Variants in RGP1 observed in about 807,000 individuals in gnomAD.
The protein encoded by RGP1 is RGP1 partner of RAB6A GEF complex.
Under a neutral mutation model 44.5 loss-of-function variants are expected in RGP1, and 28 were observed. The ratio of observed to expected loss-of-function variants is 0.63; its 90% CI spans 0.47 to 0.86. RGP1 has a LOEUF of 0.86. Among genes scored for constraint, RGP1 ranks in the 40% least tolerant of loss-of-function variants. The pLI is 0.00. For missense variants in RGP1, 417 were observed against 490.7 expected, an observed-to-expected ratio of 0.85 and a Z score of 1.42; for synonymous variants, 212 against 196.7, an observed-to-expected ratio of 1.08 and a Z score of -0.65.
the RGP1 span, among the ~76,000 whole-genome samples, chr9:35,773,915 C>T: frequency 1.3e-5 from 2 of 152,134 alleles, no homozygotes; most frequent in African/African-American, 4.8e-5. Context: ...AAGCAATCCT[C>T]CTGCCTTGGA....
rs570195434 is a variant in RGP1 at position 35,752,019 on chromosome 9, G to T, written c.826G>T (p.Gly276Trp). Reference sequence around the variant, plus strand: ...TGAGTACCAGCGGCGACGTGGGGCAGGGGGTGTCCCCTCTGTGTCACATGT... The same window carrying T: ...TGAGTACCAGCGGCGACGTGGGGCATGGGGTGTCCCCTCTGTGTCACATGT... ...QPEYQRRRGA[G>W]GVPSVSHVTH... is the part of the protein sequence containing the mutation. The change falls in exon 8 of 9, where the codon GGG (glycine) becomes TGG (tryptophan). Residue 276 changes from glycine (G) to tryptophan (W), a missense_variant. Gly to Trp is a radical substitution (Grantham distance 184, BLOSUM62 -2). Coordinates refer to ENST00000378078, the MANE Select transcript of RGP1 (RefSeq NM_001080496.3). The T allele has an allele frequency of 2.3e-4, 366 of 1,609,004 alleles. 2 individuals are homozygous for T. In the South Asian group the frequency reaches 3.8e-3, roughly 17 times the overall value.
At chr9:35,762,275 T>C (rs563667208), downstream of RGP1, among the ~76,000 whole-genome samples, 2 of 152,336 alleles carry the variant, frequency 1.3e-5, no homozygotes, top group African/African-American at 4.8e-5. Context: ...AGCAATTAGA[T>C]TTACTGGTTT....
At chr9:35,776,167 T>G in the RGP1 span, among the ~76,000 whole-genome samples, 1 of 152,178 alleles carries the variant, frequency 6.6e-6, no homozygotes, top group African/African-American at 2.4e-5. Flanking sequence ...ATCAAATTAC[T>G]CCTCTGTTTT....
the RGP1 span, among the ~76,000 whole-genome samples, chr9:35,789,651 G>C: frequency 1.3e-5 from 2 of 149,618 alleles, no homozygotes; most frequent in South Asian, 2.1e-4. Context: ...TGATGCACTT[G>C]TACTTGCGTA....
chr9:35,788,573 GAA>G, the RGP1 span, among the ~76,000 whole-genome samples: 1 of 117,704 alleles, frequency 8.5e-6, no homozygotes, highest in African/African-American at 3.5e-5. Flanking sequence ...CTCAAAAAAA[GAA>G]AAAAAAAAAA....
At chr9:35,769,440 G>T in the RGP1 span, among the ~76,000 whole-genome samples, 34 of 152,076 alleles carry the variant, frequency 2.2e-4, no homozygotes, top group African/African-American at 8.0e-4. Context: ...TAGGCACTGA[G>T]GACACAGTAT....
chr9:35,754,343 A>G lies in RGP1; in HGVS notation c.*1469A>G. 2.0e-6 allele frequency: 1 copy of G among 503,378 alleles called. No individual in the cohort carries two copies. The highest frequency in any genetic ancestry group is 3.4e-6 in the Non-Finnish European group (1 of 298,054). 31.2% of individuals were successfully genotyped at this position (503,378 alleles called of 1,614,324 possible). ...GCCCCCTGCTGAGTAGAGCTGGAAA[A>G]GTTGTAACTCTGTTTCCTGAGGTGA... On this transcript the variant is annotated 3_prime_UTR_variant, in exon 9 of 9. Coordinates refer to ENST00000378078, the MANE Select transcript of RGP1 (RefSeq NM_001080496.3).
intron 8 of RGP1, 93 bp from the exon 9 acceptor site, chr9:35,752,558 A>T: frequency 8.9e-7 from 1 of 1,123,976 alleles, no homozygotes; most frequent in Non-Finnish European, 1.3e-6. Context: ...CTGAACACAG[A>T]TTGTTTTCTT....
chr9:35,767,944 C>T, the RGP1 span, among the ~76,000 whole-genome samples: 12 of 151,980 alleles, frequency 7.9e-5, no homozygotes, highest in South Asian at 2.1e-4. Flanking sequence ...GGATTACAGG[C>T]GCCCACCATG....
chr9:35,750,578 T>G, intron 3 of RGP1, 80 bp from the exon 4 acceptor site: 1 of 1,498,270 alleles, frequency 6.7e-7, no homozygotes, highest in Non-Finnish European at 9.3e-7. Context: ...TGGCAGCCTT[T>G]CACTATCTCC....
At chr9:35,772,790 C>CA in the RGP1 span, among the ~76,000 whole-genome samples, 128 of 107,432 alleles carry the variant, frequency 1.2e-3, no homozygotes, top group East Asian at 2.4e-3. Context: ...GACTCTGTCT[C>CA]AAAAAAAAAA....
downstream of RGP1, among the ~76,000 whole-genome samples, chr9:35,759,987 C>T (rs1157620814): frequency 6.6e-5 from 10 of 150,460 alleles, no homozygotes; most frequent in Admixed American, 3.3e-4. Context: ...AAATGGGCTG[C>T]GTCCACTGAG....
rs967206857 is a variant in RGP1, at chr9:35,756,676, C to T, written c.*3802C>T. On this transcript the variant is annotated 3_prime_UTR_variant, in exon 9 of 9. Coordinates refer to ENST00000378078, the MANE Select transcript of RGP1 (RefSeq NM_001080496.3). Reference sequence around the variant, plus strand: ...GGGGTCCAGGGGACATCCTGGAAGGCTGGGCCCTGGGCCACCTTCTGCTCT... The same window carrying T: ...GGGGTCCAGGGGACATCCTGGAAGGTTGGGCCCTGGGCCACCTTCTGCTCT... 2 of 152,298 alleles carry T rather than the reference C, an allele frequency of 1.3e-5. No individual in the cohort carries two copies. Among genetic ancestry groups the T allele is most frequent in the Non-Finnish European group, 2.9e-5 (2 of 68,110 alleles). 9.4% of individuals were successfully genotyped at this position (152,298 alleles called of 1,614,324 possible). A position where few individuals can be genotyped will look rare whatever the true frequency, so the allele number is the denominator to read the frequency against.
Position 35,752,939 on chromosome 9 carries a change from G to A in RGP1, c.*65G>A. 6.4e-7 allele frequency: 1 copy of A among 1,562,504 alleles called. No individual in the cohort carries two copies. Among genetic ancestry groups the A allele is most frequent in the Non-Finnish European group, 8.7e-7 (1 of 1,144,930 alleles). On this transcript the variant is annotated 3_prime_UTR_variant, in exon 9 of 9. Coordinates refer to ENST00000378078, the MANE Select transcript of RGP1 (RefSeq NM_001080496.3). ...GAACTCAGCACCTGGACTCTAATGG[G>A]ACCCACTTTTTCCACCTGGGGTCCA...
At position 35,752,733 on chromosome 9, in the gene RGP1, C is replaced by T. The variant is rs772341695; in HGVS notation, c.1035C>T (p.Pro345=). 61 of 1,613,740 alleles carry T rather than the reference C, an allele frequency of 3.8e-5. No homozygotes were observed. Among genetic ancestry groups the T allele is most frequent in the South Asian group, 2.4e-4 (22 of 91,022 alleles). ...TACTCCTACCCCCTGTGGAACAGCC[C>T]GAACCTACCACCTGGACAGGACCTG... ...GLVLLPPVEQ[P]EPTTWTGPEQ... The change falls in exon 9 of 9, where the codon CCC becomes CCT. Residue 345 remains proline (P), a synonymous_variant. Transcript: ENST00000378078.
the RGP1 span, among the ~76,000 whole-genome samples, chr9:35,774,713 G>A: frequency 6.6e-6 from 1 of 152,080 alleles, no homozygotes; most frequent in South Asian, 2.1e-4. Flanking sequence ...GACAGAGCAA[G>A]ACTCTGTCTC....
chr9:35,777,604 C>G, the RGP1 span, among the ~76,000 whole-genome samples: 164 of 152,240 alleles, frequency 1.1e-3, no homozygotes, highest in African/African-American at 3.3e-3. Flanking sequence ...CAGGTGTGAG[C>G]CAACGCGCCC....
chr9:35,785,885 C>T, the RGP1 span, among the ~76,000 whole-genome samples: 1 of 152,104 alleles, frequency 6.6e-6, no homozygotes, highest in African/African-American at 2.4e-5. Flanking sequence ...AGATTTGTTC[C>T]TCTCTCCATT....
At chr9:35,781,660 C>A in the RGP1 span, among the ~76,000 whole-genome samples, 2 of 152,150 alleles carry the variant, frequency 1.3e-5, no homozygotes, top group South Asian at 4.2e-4. Flanking sequence ...GTCCTGAATT[C>A]GGCATGATTT....
Sources: gnomAD v4.1 joint callset for allele counts (sites outside exome capture counted in the v4.1 genomes callset) on GRCh38, gnomAD v4.1.1 for gene constraint, MANE v1.5 for transcripts, NCBI Gene and HGNC (gene_info 2026-07-23, HGNC 2026-07-21) for gene names.